The following SUCLG2 variants were observed in gnomAD, a reference collection of about 807,000 sequenced individuals.
SUCLG2 encodes succinate-CoA ligase GDP-forming subunit beta.
Under a neutral mutation model 47.9 loss-of-function variants are expected in SUCLG2, and 42 were observed. The ratio of observed to expected loss-of-function variants is 0.88; its 90% CI spans 0.69 to 1.14. The LOEUF is 1.14. SUCLG2 is among the 50% of genes most tolerant of loss of function. SUCLG2 has a pLI of 0.00. For synonymous variants in SUCLG2, 195 were observed against 197.3 expected, an observed-to-expected ratio of 0.99 and a Z score of 0.10; for missense variants, 571 against 525.9, an observed-to-expected ratio of 1.09 and a Z score of -0.84.
intron 9 of SUCLG2, among the ~76,000 whole-genome samples, chr3:67,483,563 G>A (rs1288951511): frequency 6.6e-6 from 1 of 152,180 alleles, no homozygotes; most frequent in Admixed American, 6.5e-5. Flanking sequence ...ACTCACCAGT[G>A]TAAACGATTT....
chr3:67,379,061 C>G (rs1169554005), intron 10 of SUCLG2, among the ~76,000 whole-genome samples: 8 of 152,176 alleles, frequency 5.3e-5, no homozygotes, highest in Non-Finnish European at 1.2e-4. Context: ...ATTCTCCTGC[C>G]TCAGCCTCCT....
chr3:67,499,423 G>A (rs1391048704), intron 7 of SUCLG2, among the ~76,000 whole-genome samples: 1 of 152,080 alleles, frequency 6.6e-6, no homozygotes, highest in Non-Finnish European at 1.5e-5. Context: ...TATAAGACAC[G>A]AAAAGACCAA....
rs140453393 is a variant in SUCLG2 at position 67,518,371 on chromosome 3, C to G, written c.571-35G>C. ...ATAAATCAAATAAACAAAATTCAGA[C>G]AGTCAACTGAGAAGATTTACAACCT... On this transcript the variant is annotated intron_variant, in intron 5 of 10. Coordinates refer to ENST00000307227, the MANE Select transcript of SUCLG2 (RefSeq NM_003848.4). 3.4e-5 allele frequency: 53 copies of G among 1,574,420 alleles called. No individual in the cohort carries two copies. The African/African-American group carries it at 5.8e-4, about 17-fold the overall frequency.
chr3:67,363,166 A>G (rs186692894), intron 10 of SUCLG2, among the ~76,000 whole-genome samples: 2 of 152,354 alleles, frequency 1.3e-5, no homozygotes, highest in East Asian at 3.9e-4. Context: ...AATAACCAAA[A>G]GAACCCTGAA....
intron 2 of SUCLG2, among the ~76,000 whole-genome samples, chr3:67,548,401 C>A (rs570565719): frequency 5.2e-4 from 79 of 152,318 alleles, no homozygotes; most frequent in African/African-American, 1.7e-3. Flanking sequence ...TCTCTCAATC[C>A]AGCACAACCC....
At chr3:67,534,799 AATGCCC>A (rs1706497198) in intron 2 of SUCLG2, among the ~76,000 whole-genome samples, 1 of 143,602 alleles carries the variant, frequency 7.0e-6, no homozygotes, top group Non-Finnish European at 1.5e-5. Context: ...AAAAAAAAAA[AATGCCC>A]ATGTGACATC....
chr3:67,472,444 T>C (rs536777456), intron 9 of SUCLG2, among the ~76,000 whole-genome samples: 1 of 152,228 alleles, frequency 6.6e-6, no homozygotes, highest in Non-Finnish European at 1.5e-5. Context: ...TTTTACATTT[T>C]ATCACAATGG....
intron 2 of SUCLG2, among the ~76,000 whole-genome samples, chr3:67,608,588 C>T (rs1252387033): frequency 1.3e-5 from 2 of 152,056 alleles, no homozygotes; most frequent in Admixed American, 1.3e-4. Flanking sequence ...GGGATGAAAA[C>T]ACCCTAATGC....
intron 9 of SUCLG2, among the ~76,000 whole-genome samples, chr3:67,442,269 C>CA (rs1475530793): frequency 6.6e-6 from 1 of 152,134 alleles, no homozygotes; most frequent in Non-Finnish European, 1.5e-5. Flanking sequence ...CTCGGCCTCC[C>CA]AAAGTGCTGG....
At chr3:67,556,209 G>A (rs1225048266) in intron 2 of SUCLG2, among the ~76,000 whole-genome samples, 2 of 152,176 alleles carry the variant, frequency 1.3e-5, no homozygotes, top group African/African-American at 4.8e-5. Flanking sequence ...GAAATCCTGG[G>A]TCAGAAAAGA....
At chr3:67,585,070 C>T (rs6548638) in intron 2 of SUCLG2, among the ~76,000 whole-genome samples, 150,069 of 152,336 alleles carry the variant, frequency 0.99, 73,961 homozygotes, top group East Asian at 1. Flanking sequence ...ATATACAATA[C>T]ATAACTTAAT....
intron 2 of SUCLG2, among the ~76,000 whole-genome samples, chr3:67,546,033 C>A (rs370208175): frequency 1.3e-5 from 2 of 152,224 alleles, no homozygotes; most frequent in Middle Eastern, 3.4e-3. Flanking sequence ...GTTTTCAAAA[C>A]GACATTTCTG....
chr3:67,468,538 C>T (rs1488594187), intron 9 of SUCLG2, among the ~76,000 whole-genome samples: 1 of 152,128 alleles, frequency 6.6e-6, no homozygotes, highest in South Asian at 2.1e-4. Context: ...CACTCTGAGA[C>T]CACCATGCTA....
chr3:67,376,282 G>A, intron 10 of SUCLG2: 1 of 985,378 alleles, frequency 1.0e-6, no homozygotes, highest in Non-Finnish European at 1.2e-6. Flanking sequence ...CCACTGCTTT[G>A]GAGACTCTGG....
chr3:67,439,322 T>C (rs550836322), intron 9 of SUCLG2, among the ~76,000 whole-genome samples: 1 of 152,304 alleles, frequency 6.6e-6, no homozygotes, highest in Admixed American at 6.5e-5. Context: ...CTTTGAAAAT[T>C]GGCACAAGAC....
At chr3:67,433,566 A>G (rs986291690) in intron 9 of SUCLG2, among the ~76,000 whole-genome samples, 2 of 152,122 alleles carry the variant, frequency 1.3e-5, no homozygotes, top group African/African-American at 4.8e-5. Context: ...CTGCTGTGTG[A>G]GGAAAAAAGG....
intron 9 of SUCLG2, among the ~76,000 whole-genome samples, chr3:67,436,623 A>G (rs1703630642): frequency 6.6e-6 from 1 of 152,176 alleles, no homozygotes; most frequent in South Asian, 2.1e-4. Flanking sequence ...AGTTGTCACT[A>G]TATCATCATC....
At chr3:67,610,236 G>A (rs374817957) in intron 1 of SUCLG2, among the ~76,000 whole-genome samples, 10 of 152,160 alleles carry the variant, frequency 6.6e-5, no homozygotes, top group South Asian at 2.1e-4. Context: ...TGTGTTTAAC[G>A]AGATTATCTC....
At chr3:67,534,768 CAAAAAAAAAAAAAAAAAAAA>C (rs60612549) in intron 2 of SUCLG2, among the ~76,000 whole-genome samples, 11 of 34,932 alleles carry the variant, frequency 3.1e-4, no homozygotes, top group Admixed American at 1.3e-3. Context: ...ACACTGATGG[CAAAAAAAAAAAAAAAAAAAA>C]AAAAAAAAAA....
Sources: gnomAD v4.1 joint callset for allele counts (sites outside exome capture counted in the v4.1 genomes callset) on GRCh38, gnomAD v4.1.1 for gene constraint, MANE v1.5 for transcripts, NCBI Gene and HGNC (gene_info 2026-07-23, HGNC 2026-07-21) for gene names.